The following RALGAPA2 variants were observed in gnomAD, a reference collection of about 807,000 sequenced individuals.
RALGAPA2 encodes Ral GTPase activating protein catalytic subunit alpha 2, also known as ral GTPase-activating protein subunit alpha-2.
A neutral mutation model predicts 230.4 loss-of-function variants in RALGAPA2; 139 were observed. The ratio of observed to expected loss-of-function variants is 0.60; its 90% CI spans 0.53 to 0.69. The LOEUF (loss-of-function observed/expected upper bound fraction) is 0.69, where lower values mean the gene tolerates loss of function less well. Among genes scored for constraint, RALGAPA2 ranks in the 30% least tolerant of loss-of-function variants. The probability of loss-of-function intolerance (pLI) is 0.00; values close to 1 mark genes in which losing one functional copy is unlikely to be tolerated. For missense variants in RALGAPA2, 2,163 were observed against 2,276.0 expected (o/e 0.95, Z 1.01); for synonymous variants, 847 against 837.8 (o/e 1.01, Z -0.19).
intron 37 of RALGAPA2, among the ~76,000 whole-genome samples, chr20:20,460,757 G>A (rs1315915922): frequency 5.9e-5 from 9 of 152,196 alleles, no homozygotes; most frequent in Non-Finnish European, 1.2e-4. Context: ...GGTTCAGCTC[G>A]TGCACACATA....
chr20:20,547,087 T>C (rs911682238), intron 23 of RALGAPA2, among the ~76,000 whole-genome samples: 2 of 152,176 alleles, frequency 1.3e-5, no homozygotes, highest in African/African-American at 2.4e-5. Context: ...ACTAGACATT[T>C]CATCTGTCTT....
chr20:20,546,836 AAAGGGAAGATAAG>A lies in RALGAPA2; in HGVS notation c.3157-17_3157-5del, dbSNP rs761320017. 1 of 1,571,966 alleles carries A rather than the reference AAAGGGAAGATAAG, an allele frequency of 6.4e-7. No homozygotes were observed. The highest frequency in any genetic ancestry group is 1.4e-5 in the African/African-American group (1 of 72,644). On this transcript the variant is annotated splice_region_variant and splice_polypyrimidine_tract_variant and intron_variant, in intron 23 of 39. Transcript: ENST00000202677. ...TTATGATCGTATTTAAGATATCCTA[AAAGGGAAGATAAG>A]AAAAAACACAATCGTAATGTTCAAA...
At chr20:20,611,487 T>C (rs2065974249) in intron 13 of RALGAPA2, 61 bp from the exon 14 acceptor site, 1 of 1,545,456 alleles carries the variant, frequency 6.5e-7, no homozygotes, top group South Asian at 1.3e-5. Flanking sequence ...CTTTAATTTA[T>C]AGGTACCAGA....
At chr20:20,442,659 C>G (rs148052493) in intron 37 of RALGAPA2, among the ~76,000 whole-genome samples, 1 of 152,328 alleles carries the variant, frequency 6.6e-6, no homozygotes, top group African/African-American at 2.4e-5. Context: ...TTACAATGTA[C>G]GGTTCCAGTA....
At chr20:20,702,896 G>A (rs2069444583) in intron 1 of RALGAPA2, among the ~76,000 whole-genome samples, 1 of 152,162 alleles carries the variant, frequency 6.6e-6, no homozygotes, top group African/African-American at 2.4e-5. Context: ...ACTTTGTCCA[G>A]GCATGGTGGC....
chr20:20,526,393 CA>C (rs2063204040), intron 27 of RALGAPA2, 31 bp from the exon 28 acceptor site: 1 of 1,416,886 alleles, frequency 7.1e-7, no homozygotes, highest in Admixed American at 2.1e-5. Context: ...CCAAAGCAGA[CA>C]CATAACTTAA....
chr20:20,539,827 A>AC (rs2063595879), intron 24 of RALGAPA2, among the ~76,000 whole-genome samples: 1 of 152,176 alleles, frequency 6.6e-6, no homozygotes, highest in African/African-American at 2.4e-5. Flanking sequence ...TAGGAGTTGG[A>AC]CTTTTTTAGA....
intron 37 of RALGAPA2, among the ~76,000 whole-genome samples, chr20:20,470,207 A>C (rs961854365): frequency 6.6e-6 from 1 of 152,218 alleles, no homozygotes; most frequent in Non-Finnish European, 1.5e-5. Flanking sequence ...CCAAAGGGAA[A>C]ATTTGCTCCA....
intron 20 of RALGAPA2, among the ~76,000 whole-genome samples, chr20:20,581,221 G>T (rs909371454): frequency 6.6e-6 from 1 of 152,132 alleles, no homozygotes; most frequent in African/African-American, 2.4e-5. Flanking sequence ...CCTGAAATGG[G>T]ATCAAAACTA....
intron 37 of RALGAPA2, among the ~76,000 whole-genome samples, chr20:20,465,938 G>T (rs1362152384): frequency 6.6e-6 from 1 of 152,236 alleles, no homozygotes; most frequent in Non-Finnish European, 1.5e-5. Context: ...TGAAACTCCA[G>T]TATCTGCAAG....
intron 10 of RALGAPA2, among the ~76,000 whole-genome samples, chr20:20,622,073 G>T (rs1043116746): frequency 6.6e-6 from 1 of 152,178 alleles, no homozygotes; most frequent in Admixed American, 6.6e-5. Flanking sequence ...ATTTAAAAAT[G>T]AAATAACTCA....
At chr20:20,482,543 G>C (rs150339920) in intron 36 of RALGAPA2, among the ~76,000 whole-genome samples, 1 of 152,116 alleles carries the variant, frequency 6.6e-6, no homozygotes, top group Admixed American at 6.6e-5. Flanking sequence ...CTTTTCTAGC[G>C]CAGGGTTCCC....
chr20:20,525,056 T>C (rs2063159029), intron 28 of RALGAPA2, among the ~76,000 whole-genome samples, 158 bp from the exon 29 acceptor site: 1 of 152,202 alleles, frequency 6.6e-6, no homozygotes, highest in African/African-American at 2.4e-5. Flanking sequence ...TGTGGTGATC[T>C]TGAAAATTAG....
At chr20:20,585,906 G>A (rs538224010) in intron 18 of RALGAPA2, among the ~76,000 whole-genome samples, 1 of 152,078 alleles carries the variant, frequency 6.6e-6, no homozygotes, top group East Asian at 1.9e-4. Flanking sequence ...GTTGACCATG[G>A]CAAAACTGGA....
rs2059767597 is a variant in RALGAPA2 at position 20,398,648 on chromosome 20, C to G, written c.5618-1914G>C. 1.3e-5 allele frequency among the ~76,000 whole-genome samples: 2 copies of G among 151,988 alleles called. 1 individual carries two copies. Among genetic ancestry groups the G allele is most frequent in the South Asian group, 4.2e-4 (2 of 4,800 alleles). On this transcript the variant is annotated intron_variant, in intron 38 of 39. Coordinates refer to ENST00000202677, the MANE Select transcript of RALGAPA2 (RefSeq NM_020343.4). This position sits in a 1 kb window ranked among gnomAD's most constrained non-coding sequence, Gnocchi z 4.5. Reference sequence around the variant, plus strand: ...CCAACCTGGGCAGTGTGGAGGGCACCTGGAGGGCAATGTGCTCGGAGATGG... The same window carrying G: ...CCAACCTGGGCAGTGTGGAGGGCACGTGGAGGGCAATGTGCTCGGAGATGG...
intron 23 of RALGAPA2, among the ~76,000 whole-genome samples, chr20:20,549,926 T>C (rs1602746336): frequency 6.6e-6 from 1 of 152,232 alleles, no homozygotes; most frequent in East Asian, 1.9e-4. Context: ...TCATGCCTTT[T>C]GCCATCTCCC....
chr20:20,467,657 AAGG>A (rs1192392352), intron 37 of RALGAPA2, among the ~76,000 whole-genome samples: 23 of 152,230 alleles, frequency 1.5e-4, no homozygotes, highest in Non-Finnish European at 1.0e-4. Flanking sequence ...TTCCCATTTG[AAGG>A]AGATGTGATA....
chr20:20,549,738 C>A (rs1002831052), intron 23 of RALGAPA2, among the ~76,000 whole-genome samples: 10 of 152,212 alleles, frequency 6.6e-5, no homozygotes, highest in African/African-American at 2.4e-4. Flanking sequence ...ATGCCCCACT[C>A]ATTTCTAACT....
chr20:20,503,472 C>A lies in RALGAPA2; in HGVS notation c.5087G>T (p.Gly1696Val). The change falls in exon 35 of 40, where the codon GGC (glycine) becomes GTC (valine). Residue 1696 changes from glycine (G) to valine (V), a missense_variant. Gly to Val is a moderately radical substitution (Grantham distance 109, BLOSUM62 -3). Coordinates refer to ENST00000202677, the MANE Select transcript of RALGAPA2 (RefSeq NM_020343.4). The stretch of plus-strand genomic sequence containing the variant: ...CCCGGTGCTGCCATTGCGCTGAAGG[C>A]CACCCATGAACCCACAGTGGGTGGA... ...DLSTHCGFMG[G>V]LQRNGSTGQT... 2 of 1,601,342 alleles carry A rather than the reference C, an allele frequency of 1.2e-6. No homozygotes were observed. The highest frequency in any genetic ancestry group is 1.7e-6 in the Non-Finnish European group (2 of 1,174,282).
Sources: allele counts gnomAD v4.1 joint callset (sites outside exome capture counted in the v4.1 genomes callset), GRCh38; gene constraint gnomAD v4.1.1; non-coding constraint Gnocchi (gnomAD v3.1); transcripts MANE v1.5; gene names NCBI Gene and HGNC (gene_info 2026-07-23, HGNC 2026-07-21).